ROR1: variants seen among roughly 807,000 people sequenced by gnomAD.
ROR1 encodes the protein ROR family WNT receptor 1, also known as inactive tyrosine-protein kinase transmembrane receptor ROR1.
In ROR1, 19 loss-of-function variants were observed where a neutral mutation model predicts 78.8. The observed-to-expected ratio is 0.24, with a 90% CI of 0.17 to 0.35. ROR1 has a LOEUF of 0.35. Ranked by LOEUF, ROR1 falls within the 10% of genes least tolerant of loss-of-function variation. The pLI, the probability that ROR1 is intolerant of heterozygous loss-of-function variation, is 1.00. For synonymous variants in ROR1, 386 were observed against 433.6 expected (o/e 0.89, Z 1.36); for missense variants, 917 against 1,177.8 (o/e 0.78, Z 3.24).
In ROR1 at chr1:63,876,642, AG is replaced by A. The variant is rs1243659429; in HGVS notation, c.91+102138del. Among the ~76,000 whole-genome samples the A allele has an allele frequency of 2.3e-5, 3 of 132,746 alleles. No individual in the cohort carries two copies. In the East Asian group the frequency reaches 6.3e-4, roughly 28 times the overall value. 87.1% of individuals were successfully genotyped at this position (132,746 alleles called of 152,430 possible). ...GTATGTATGCATGTGTTTCCACGAA[AG>A]GGGTGTGTGTGTGTGTGTGTGTGTG... On this transcript the variant is annotated intron_variant, in intron 1 of 8. Coordinates refer to ENST00000371079, the MANE Select transcript of ROR1 (RefSeq NM_005012.4).
intron 2 of ROR1, among the ~76,000 whole-genome samples, chr1:64,035,032 ATTGGTGTGGG>A (rs1489117376): frequency 6.6e-6 from 1 of 152,160 alleles, no homozygotes; most frequent in Admixed American, 6.6e-5. Context: ...CTCTTCAGGA[ATTGGTGTGGG>A]AGTTCAGTGG....
In ROR1 at chr1:64,150,263, G is replaced by A. The variant is rs1445274780; in HGVS notation, c.1174+7613G>A. On this transcript the variant is annotated intron_variant, in intron 7 of 8. Coordinates refer to ENST00000371079, the MANE Select transcript of ROR1 (RefSeq NM_005012.4). Reference sequence around the variant, plus strand: ...AAAGAGTATCCATGATAAGAAAAGTGGTGAACCATTTGGCTCCATTTGGAG... The same window carrying A: ...AAAGAGTATCCATGATAAGAAAAGTAGTGAACCATTTGGCTCCATTTGGAG... Among the ~76,000 whole-genome samples, 31 of 151,800 alleles carry A rather than the reference G, an allele frequency of 2.0e-4. 1 individual carries two copies. Among genetic ancestry groups the A allele is most frequent in the Admixed American group, 2.0e-3 (31 of 15,242 alleles).
chr1:63,915,258 G>T (rs893499399), intron 1 of ROR1, among the ~76,000 whole-genome samples: 3 of 152,210 alleles, frequency 2.0e-5, no homozygotes, highest in African/African-American at 7.2e-5. Context: ...CAATGCAGAC[G>T]TGAGGGAGAC....
In ROR1 at chr1:64,177,941, T is replaced by C; in HGVS notation, c.1900T>C (p.Leu634=). The part of the protein sequence containing the change: ...GEQLHVKISD[L]GLSREIYSAD... ...GCAACTTCATGTAAAGATTTCAGAC[T>C]TGGGGCTTTCCAGAGAAATTTACTC... Residue 634 remains leucine (L), a synonymous_variant, in exon 9 of 9, where the codon TTG becomes CTG. Coordinates refer to ENST00000371079, the MANE Select transcript of ROR1 (RefSeq NM_005012.4). 2.5e-6 allele frequency: 4 copies of C among 1,614,224 alleles called. No homozygotes were observed. The highest frequency in any genetic ancestry group is 3.4e-6 in the Non-Finnish European group (4 of 1,180,044).
chr1:64,173,860 T>A (rs1045523304), intron 8 of ROR1, among the ~76,000 whole-genome samples: 4 of 152,144 alleles, frequency 2.6e-5, no homozygotes, highest in African/African-American at 9.7e-5. Context: ...CATCCACTCT[T>A]CCACACGAGT....
rs756017115 is a variant in ROR1, at chr1:64,140,312, A to C, written c.814A>C (p.Met272Leu). The C allele has an allele frequency of 6.2e-7, 1 of 1,614,174 alleles. No individual in the cohort carries two copies. The highest frequency in any genetic ancestry group is 8.5e-7 in the Non-Finnish European group (1 of 1,180,018). Residue 272 changes from methionine to leucine, a missense_variant, in exon 6 of 9, where the codon ATG (methionine) becomes CTG (leucine). By Grantham distance (15) the Met-to-Leu change is conservative (BLOSUM62 2). Transcript: ENST00000371079. ...TEYIFARSNP[M>L]ILMRLKLPNC... ...GTACATTTTTGCAAGATCAAATCCC[A>C]TGATTCTGATGAGGCTGAAACTGCC... is the stretch of plus-strand genomic sequence containing the variant.
rs115942137 is a variant in ROR1 at position 64,060,293 on chromosome 1, C to T, written c.482+9577C>T. Among the ~76,000 whole-genome samples, 734 of 152,258 alleles carry T rather than the reference C, an allele frequency of 4.8e-3. 7 individuals are homozygous for T. The highest frequency in any genetic ancestry group is 8.5e-3 in the Non-Finnish European group (577 of 68,034). On this transcript the variant is annotated intron_variant, in intron 4 of 8. Transcript: ENST00000371079. ...AGCTTGATAATATTACTAACAGTAT[C>T]ATCATCAATGCTATCTGAGCAAAGA...
rs188207390 is a variant in ROR1 at position 64,029,713 on chromosome 1, C to T, written c.164-19978C>T. 1.5e-3 allele frequency among the ~76,000 whole-genome samples: 232 copies of T among 152,148 alleles called. 3 individuals carry two copies. Among genetic ancestry groups the T allele is most frequent in the African/African-American group, 5.4e-3 (222 of 41,494 alleles). ...GCCACCAATCTTATCAGATTAAGAC[C>T]CCACCCTGATTACCTCATTAAATGT... On this transcript the variant is annotated intron_variant, in intron 2 of 8. Transcript: ENST00000371079.
intron 1 of ROR1, among the ~76,000 whole-genome samples, chr1:63,818,346 G>A (rs933164756): frequency 6.6e-6 from 1 of 152,208 alleles, no homozygotes; most frequent in Admixed American, 6.5e-5. Context: ...TTGGTAGAAT[G>A]AGCATAGAAA....
At chr1:63,903,105 A>G (rs1314235501) in intron 1 of ROR1, among the ~76,000 whole-genome samples, 2 of 152,194 alleles carry the variant, frequency 1.3e-5, no homozygotes, top group African/African-American at 4.8e-5. Context: ...AAAGCTTTTT[A>G]GCTGAGCACA....
intron 1 of ROR1, among the ~76,000 whole-genome samples, chr1:63,999,424 G>T (rs72912876): frequency 0.043 from 6,534 of 152,246 alleles, 499 homozygotes; most frequent in African/African-American, 0.15. Context: ...TATCTGGTTT[G>T]CCATAAGCCA....
chr1:64,004,868 C>T (rs1369214456), intron 1 of ROR1, among the ~76,000 whole-genome samples: 1 of 151,996 alleles, frequency 6.6e-6, no homozygotes, highest in Non-Finnish European at 1.5e-5. Context: ...CGAGAAACTG[C>T]AAAGATAATA....
chr1:63,779,935 A>G (rs1168264218), intron 1 of ROR1, among the ~76,000 whole-genome samples: 1 of 152,180 alleles, frequency 6.6e-6, no homozygotes, highest in East Asian at 1.9e-4. Flanking sequence ...TAATCTTGGC[A>G]GGGCCAGCAA....
chr1:64,175,160 AC>A (rs1650345256), intron 8 of ROR1, among the ~76,000 whole-genome samples: 1 of 151,668 alleles, frequency 6.6e-6, no homozygotes, highest in African/African-American at 2.4e-5. Context: ...CTACTTCCAT[AC>A]CCCCAATAAT....
chr1:63,981,138 T>G (rs1646207149), intron 1 of ROR1, among the ~76,000 whole-genome samples: 2 of 152,138 alleles, frequency 1.3e-5, no homozygotes, highest in African/African-American at 4.8e-5. Flanking sequence ...CCACCATTTG[T>G]TTACCTACTC....
At chr1:64,098,697 G>A (rs890178424) in intron 4 of ROR1, among the ~76,000 whole-genome samples, 1 of 152,134 alleles carries the variant, frequency 6.6e-6, no homozygotes, top group African/African-American at 2.4e-5. Flanking sequence ...CCAGCCAGAG[G>A]GGATTACTGT....
At chr1:63,935,238 AT>A (rs1272226579) in intron 1 of ROR1, among the ~76,000 whole-genome samples, 1 of 152,140 alleles carries the variant, frequency 6.6e-6, no homozygotes, top group African/African-American at 2.4e-5. Context: ...GGAAAACAGA[AT>A]GGAGGGAGCT....
At chr1:63,864,402 G>T (rs1012705408) in intron 1 of ROR1, among the ~76,000 whole-genome samples, 2 of 152,136 alleles carry the variant, frequency 1.3e-5, no homozygotes, top group African/African-American at 2.4e-5. Context: ...CAAGTCTAAG[G>T]ATTCTTACTA....
intron 1 of ROR1, among the ~76,000 whole-genome samples, chr1:63,832,220 AT>A (rs1441291450): frequency 6.6e-6 from 1 of 151,990 alleles, no homozygotes; most frequent in Non-Finnish European, 1.5e-5. Context: ...AGCCCTTCAA[AT>A]TTTTTTATTC....
Sources: allele counts gnomAD v4.1 joint callset (sites outside exome capture counted in the v4.1 genomes callset), GRCh38; gene constraint gnomAD v4.1.1; transcripts MANE v1.5; gene names NCBI Gene and HGNC (gene_info 2026-07-23, HGNC 2026-07-21).